The following NAV3 variants were observed in gnomAD, a reference collection of about 807,000 sequenced individuals.
NAV3 encodes pore membrane and/or filament interacting like protein 1.
Under a neutral mutation model 244.7 loss-of-function variants are expected in NAV3, and 87 were observed. That is an observed-to-expected ratio of 0.36 (90% CI 0.30 to 0.42). NAV3 has a LOEUF of 0.42. Among genes scored for constraint, NAV3 ranks in the 20% least tolerant of loss-of-function variants. The pLI is 1.00. For synonymous variants in NAV3, 1,126 were observed against 1,042.2 expected (o/e 1.08, Z -1.55); for missense variants, 2,663 against 2,893.3 (o/e 0.92, Z 1.83).
At chr12:77,671,285 C>G (rs546230245) in intron 2 of NAV3, among the ~76,000 whole-genome samples, 1 of 151,998 alleles carries the variant, frequency 6.6e-6, no homozygotes, top group African/African-American at 2.4e-5. Flanking sequence ...AAGGAAAACC[C>G]TGCTGGAAGA....
intron 22 of NAV3, among the ~76,000 whole-genome samples, chr12:78,153,438 C>A (rs145164879): frequency 6.6e-6 from 1 of 152,028 alleles, no homozygotes; most frequent in Non-Finnish European, 1.5e-5. Flanking sequence ...TATTGCCTGG[C>A]GTTTCTGATC....
chr12:78,047,055 C>T (rs139002615), intron 9 of NAV3, among the ~76,000 whole-genome samples: 6 of 152,124 alleles, frequency 3.9e-5, no homozygotes, highest in African/African-American at 1.4e-4. Context: ...AATTGTAACC[C>T]CTGCTTTTAT....
chr12:77,926,173 C>G (rs1044662496), intron 1 of NAV3, among the ~76,000 whole-genome samples: 6 of 152,076 alleles, frequency 3.9e-5, no homozygotes, highest in African/African-American at 1.4e-4. Context: ...CTTCCAAGTT[C>G]TATGTTTTTA....
At chr12:77,673,347 A>T (rs1247488546) in intron 2 of NAV3, among the ~76,000 whole-genome samples, 1 of 152,138 alleles carries the variant, frequency 6.6e-6, no homozygotes, top group African/African-American at 2.4e-5. Context: ...AATGAACATA[A>T]TAGCAATTTC....
At chr12:78,176,651 G>A (rs980769663) in intron 26 of NAV3, among the ~76,000 whole-genome samples, 192 bp downstream of exon 26, 1 of 152,094 alleles carries the variant, frequency 6.6e-6, no homozygotes. Context: ...TAGAGCTGTA[G>A]GGGATACCAA....
chr12:77,773,147 T>C (rs547770570), intron 2 of NAV3, among the ~76,000 whole-genome samples: 4 of 152,280 alleles, frequency 2.6e-5, no homozygotes, highest in African/African-American at 7.2e-5. Context: ...CCTTCAGTAA[T>C]AAACAATCAG....
chr12:77,586,148 C>A (rs1442501094), intron 2 of NAV3, among the ~76,000 whole-genome samples: 26 of 149,692 alleles, frequency 1.7e-4, no homozygotes, highest in Admixed American at 1.7e-3. Context: ...GGCGACGGAG[C>A]GAGACTCCAT....
At chr12:77,947,347 T>TAAAAAAAA (rs1184913709) in intron 3 of NAV3, 1 of 151,830 alleles carries the variant, frequency 6.6e-6, no homozygotes, top group Non-Finnish European at 1.5e-5. Flanking sequence ...CTTTTATCAG[T>TAAAAAAAA]AGCCTGTCCT....
At chr12:77,891,261 A>C (rs1465582207) in intron 1 of NAV3, among the ~76,000 whole-genome samples, 1 of 149,336 alleles carries the variant, frequency 6.7e-6, no homozygotes, top group Non-Finnish European at 1.5e-5. Flanking sequence ...ATACATTTAT[A>C]AAGATAAATT....
At chr12:77,905,786 A>T (rs773212012) in intron 1 of NAV3, among the ~76,000 whole-genome samples, 3 of 152,190 alleles carry the variant, frequency 2.0e-5, no homozygotes, top group Non-Finnish European at 4.4e-5. Context: ...CAGACCCATA[A>T]CAATATGAGC....
chr12:78,116,669 A>G (rs1364665212), intron 12 of NAV3, 103 bp from the exon 13 acceptor site: 5 of 1,229,802 alleles, frequency 4.1e-6, no homozygotes, highest in Non-Finnish European at 5.3e-6. Context: ...TATTTTTTAA[A>G]AGAATGTCTT....
At chr12:78,053,510 G>A (rs970740294) in intron 11 of NAV3, among the ~76,000 whole-genome samples, 2 of 151,930 alleles carry the variant, frequency 1.3e-5, no homozygotes, top group South Asian at 2.1e-4. Context: ...ATTCATTCAC[G>A]TGGAACTCCC....
At chr12:78,071,726 A>G (rs1205655463) in intron 12 of NAV3, among the ~76,000 whole-genome samples, 5 of 152,130 alleles carry the variant, frequency 3.3e-5, no homozygotes, top group Non-Finnish European at 5.9e-5. Flanking sequence ...TTTATTAAAT[A>G]AGGAATCCTT....
At chr12:77,872,055 T>A (rs1405605790) in intron 1 of NAV3, among the ~76,000 whole-genome samples, 1 of 152,220 alleles carries the variant, frequency 6.6e-6, no homozygotes, top group Non-Finnish European at 1.5e-5. Context: ...TGAGCTTTTT[T>A]TCATATGTTC....
At chr12:77,660,919 T>C (rs1032002435) in intron 2 of NAV3, among the ~76,000 whole-genome samples, 3 of 152,170 alleles carry the variant, frequency 2.0e-5, no homozygotes, top group Non-Finnish European at 4.4e-5. Context: ...GCATGAGCCG[T>C]AGTTCATTTC....
At chr12:77,600,160 C>A (rs1870359260) in intron 2 of NAV3, among the ~76,000 whole-genome samples, 2 of 151,890 alleles carry the variant, frequency 1.3e-5, no homozygotes, top group Admixed American at 1.3e-4. Flanking sequence ...GTAAGTTTAC[C>A]TCAGGGAATG....
At chr12:77,993,558 T>G (rs1230993937) in intron 5 of NAV3, among the ~76,000 whole-genome samples, 1 of 152,156 alleles carries the variant, frequency 6.6e-6, no homozygotes, top group Non-Finnish European at 1.5e-5. Flanking sequence ...ATGTGCTCTG[T>G]GAATCTGAAA....
chr12:78,116,018 G>A (rs1955359924), intron 12 of NAV3, among the ~76,000 whole-genome samples: 1 of 152,162 alleles, frequency 6.6e-6, no homozygotes, highest in Admixed American at 6.5e-5. Flanking sequence ...CTTATGCACT[G>A]TGTGGCACGG....
rs1428197392 is a variant in NAV3 at position 77,874,694 on chromosome 12, A to G, written c.243+42990A>G. ...TAAGAACAGCTCAGAATGGGTTTATATATTTTAATTACCACTAGGGAGCTT... is the reference window on the plus strand; with the variant it reads ...TAAGAACAGCTCAGAATGGGTTTATGTATTTTAATTACCACTAGGGAGCTT... On this transcript the variant is annotated intron_variant, in intron 1 of 39. Coordinates refer to ENST00000397909, the MANE Select transcript of NAV3 (RefSeq NM_001024383.2). Among the ~76,000 whole-genome samples the G allele has an allele frequency of 2.0e-5, 3 of 152,130 alleles. No individual in the cohort carries two copies. In the East Asian group the frequency reaches 5.8e-4, roughly 29 times the overall value.
Sources: gnomAD v4.1 joint callset for allele counts (sites outside exome capture counted in the v4.1 genomes callset) on GRCh38, gnomAD v4.1.1 for gene constraint, MANE v1.5 for transcripts, NCBI Gene and HGNC (gene_info 2026-07-23, HGNC 2026-07-21) for gene names.